The following MIR2052HG variants were observed in gnomAD, a reference collection of about 807,000 sequenced individuals.
MIR2052HG encodes the protein MIR2052 host gene.
At chr8:74,622,104 A>C (rs1344258333) in intron 2 of MIR2052HG, among the ~76,000 whole-genome samples, 1 of 152,204 alleles carries the variant, frequency 6.6e-6, no homozygotes, top group African/African-American at 2.4e-5. Flanking sequence ...CAATCAACAG[A>C]GTGAAGAGAT....
At chr8:74,634,691 T>C (rs1013117368) in intron 2 of MIR2052HG, among the ~76,000 whole-genome samples, 8 of 152,134 alleles carry the variant, frequency 5.3e-5, no homozygotes, top group African/African-American at 1.9e-4. Context: ...GGAAGCAACA[T>C]CATGTAATCT....
chr8:74,707,803 A>T (rs1256843820), intron 4 of MIR2052HG, among the ~76,000 whole-genome samples: 1 of 152,146 alleles, frequency 6.6e-6, no homozygotes, highest in Admixed American at 6.6e-5. Context: ...GAAACAAGCA[A>T]TTCTCTGATG....
At chr8:74,626,051 C>T (rs1288830539) in intron 2 of MIR2052HG, among the ~76,000 whole-genome samples, 1 of 152,182 alleles carries the variant, frequency 6.6e-6, no homozygotes, top group African/African-American at 2.4e-5. Context: ...CTAGCACTCC[C>T]TGGACACCTG....
chr8:74,647,618 C>T (rs952337550), intron 2 of MIR2052HG, among the ~76,000 whole-genome samples: 6 of 152,060 alleles, frequency 3.9e-5, no homozygotes, highest in African/African-American at 1.4e-4. Context: ...AATCATATAG[C>T]CTTTTAGAAT....
At chr8:74,686,056 G>A (rs1809177689) in intron 2 of MIR2052HG, among the ~76,000 whole-genome samples, 2 of 151,482 alleles carry the variant, frequency 1.3e-5, no homozygotes, top group Admixed American at 1.3e-4. Flanking sequence ...GGAGAAAAAT[G>A]ATTCTCGACA....
intron 2 of MIR2052HG, among the ~76,000 whole-genome samples, chr8:74,642,397 A>C (rs1170838505): frequency 6.6e-6 from 1 of 152,076 alleles, no homozygotes; most frequent in East Asian, 1.9e-4. Context: ...TTCATGGAAC[A>C]AATTATTTGT....
chr8:74,691,515 A>T (rs1809239212), intron 2 of MIR2052HG, among the ~76,000 whole-genome samples: 1 of 152,222 alleles, frequency 6.6e-6, no homozygotes, highest in Non-Finnish European at 1.5e-5. Context: ...CTTGGGGAAG[A>T]CAGTTTTCTG....
intron 1 of MIR2052HG, among the ~76,000 whole-genome samples, chr8:74,601,522 C>G (rs1163720646): frequency 6.6e-6 from 1 of 152,204 alleles, no homozygotes; most frequent in Non-Finnish European, 1.5e-5. Context: ...GAGTAAATCT[C>G]TCTCAGTTCC....
chr8:74,747,244 T>C (rs1809897592), intron 4 of MIR2052HG, among the ~76,000 whole-genome samples: 1 of 152,178 alleles, frequency 6.6e-6, no homozygotes, highest in Non-Finnish European at 1.5e-5. Context: ...TTCTCATTTG[T>C]TGACCTGGGA....
chr8:74,667,453 T>C (rs1348091166), intron 2 of MIR2052HG, among the ~76,000 whole-genome samples: 8 of 152,242 alleles, frequency 5.3e-5, no homozygotes, highest in Non-Finnish European at 7.3e-5. Context: ...TTAAAGGGAA[T>C]GTAAATGAAT....
At chr8:74,739,909 G>T (rs930177141) in intron 4 of MIR2052HG, among the ~76,000 whole-genome samples, 1 of 152,080 alleles carries the variant, frequency 6.6e-6, no homozygotes, top group Non-Finnish European at 1.5e-5. Context: ...GAGATCAGCA[G>T]GTTGGCAGAT....
chr8:74,753,284 AC>A lies in MIR2052HG; in HGVS notation n.464+752del, dbSNP rs1809966838. Among the ~76,000 whole-genome samples the A allele has an allele frequency of 2.0e-5, 3 of 151,958 alleles. No homozygotes were observed. In the South Asian group the frequency reaches 6.2e-4, roughly 32 times the overall value. ...TTTGAGTGTAGATGTGGGCTGCCAC[AC>A]AGGCAAATGTATACATTATATAGTC... is the stretch of plus-strand genomic sequence containing the variant. On this transcript the variant is annotated intron_variant and non_coding_transcript_variant, in intron 5 of 6. Coordinates refer to ENST00000523442, the Ensembl canonical transcript of MIR2052HG.
chr8:74,646,847 G>C (rs1808693787), intron 2 of MIR2052HG, among the ~76,000 whole-genome samples: 3 of 152,172 alleles, frequency 2.0e-5, no homozygotes, highest in Admixed American at 2.0e-4. Context: ...AGAATTGCTT[G>C]AGCCTGGGAG....
At chr8:74,632,099 A>C (rs987972145) in intron 2 of MIR2052HG, among the ~76,000 whole-genome samples, 1 of 152,172 alleles carries the variant, frequency 6.6e-6, no homozygotes, top group Non-Finnish European at 1.5e-5. Context: ...AGAGGATGAG[A>C]GCCCTCTAGC....
At chr8:74,704,943 T>A (rs1369358494) in intron 4 of MIR2052HG, among the ~76,000 whole-genome samples, 1 of 152,096 alleles carries the variant, frequency 6.6e-6, no homozygotes, top group Non-Finnish European at 1.5e-5. Flanking sequence ...AAGTTAACTG[T>A]GAATAATATC....
Position 74,699,416 on chromosome 8 carries a change from G to GTATA in MIR2052HG, n.217-2946_217-2943dup, listed in dbSNP as rs139522494. 5.7e-3 allele frequency among the ~76,000 whole-genome samples: 843 copies of GTATA among 148,162 alleles called. 10 individuals are homozygous for GTATA. The highest frequency in any genetic ancestry group is 0.018 in the African/African-American group (739 of 40,298). The stretch of plus-strand genomic sequence containing the variant: ...AGTATGTGTATGTGTGTGTGTGTGT[G>GTATA]TATATATATATATATATATACACCA... On this transcript the variant is annotated intron_variant and non_coding_transcript_variant, in intron 2 of 6. Transcript: ENST00000523442.
At chr8:74,687,811 A>G (rs185847943) in intron 2 of MIR2052HG, among the ~76,000 whole-genome samples, 50 of 152,272 alleles carry the variant, frequency 3.3e-4, no homozygotes, top group African/African-American at 1.2e-3. Flanking sequence ...AAATTTATTA[A>G]CTGGGTAGAT....
intron 1 of MIR2052HG, among the ~76,000 whole-genome samples, chr8:74,601,173 A>G (rs1419861728): frequency 6.6e-6 from 1 of 152,186 alleles, no homozygotes; most frequent in African/African-American, 2.4e-5. Flanking sequence ...TATTTATATA[A>G]GCATCTTTAC....
intron 4 of MIR2052HG, among the ~76,000 whole-genome samples, chr8:74,713,106 A>C (rs972220528): frequency 6.6e-6 from 1 of 152,202 alleles, no homozygotes; most frequent in African/African-American, 2.4e-5. Context: ...TGTTAATACT[A>C]AAGAGCTCAC....
Sources: gnomAD v4.1 joint callset for allele counts (sites outside exome capture counted in the v4.1 genomes callset) on GRCh38, gnomAD v4.1.1 for gene constraint, MANE v1.5 for transcripts, NCBI Gene and HGNC (gene_info 2026-07-23, HGNC 2026-07-21) for gene names.